RNF13: variants seen among roughly 807,000 people sequenced by gnomAD.
The protein encoded by RNF13 is ring finger protein 13.
Under a neutral mutation model 37.7 loss-of-function variants are expected in RNF13, and 19 were observed. The observed-to-expected ratio is 0.50, with a 90% CI of 0.35 to 0.74. The LOEUF (loss-of-function observed/expected upper bound fraction) is 0.74. Among genes scored for constraint, RNF13 ranks in the 30% least tolerant of loss-of-function variants. RNF13 has a pLI of 0.01. For missense variants in RNF13, 375 were observed against 453.0 expected, an observed-to-expected ratio of 0.83 and a Z score of 1.56; for synonymous variants, 144 against 157.8, an observed-to-expected ratio of 0.91 and a Z score of 0.65.
intron 3 of RNF13, among the ~76,000 whole-genome samples, chr3:149,866,771 C>A (rs777231101): frequency 9.9e-5 from 15 of 151,900 alleles, no homozygotes; most frequent in Non-Finnish European, 1.8e-4. Flanking sequence ...TTTTAAATTT[C>A]TTTTCTTAAT....
intron 4 of RNF13, among the ~76,000 whole-genome samples, chr3:149,876,968 T>C (rs890187889): frequency 2.0e-5 from 3 of 151,774 alleles, no homozygotes; most frequent in African/African-American, 7.3e-5. Context: ...TTAGTAGAGA[T>C]GGTATTTCAT....
intron 1 of RNF13, among the ~76,000 whole-genome samples, chr3:149,832,106 T>G (rs1721115630): frequency 6.6e-6 from 1 of 152,188 alleles, no homozygotes. Flanking sequence ...ATAAGGTACA[T>G]TTCTTGAAAA....
At chr3:149,821,369 T>G (rs1294516273) in intron 1 of RNF13, among the ~76,000 whole-genome samples, 1 of 152,194 alleles carries the variant, frequency 6.6e-6, no homozygotes. Context: ...CTTATGGGTA[T>G]GAAGTGGTAT....
chr3:149,942,060 T>C (rs1294393216), intron 8 of RNF13, among the ~76,000 whole-genome samples: 3 of 152,086 alleles, frequency 2.0e-5, no homozygotes, highest in Non-Finnish European at 4.4e-5. Context: ...TTCTGTTCCA[T>C]TGGTGTATAT....
At chr3:149,829,352 G>A (rs562071080) in intron 1 of RNF13, among the ~76,000 whole-genome samples, 51 of 152,100 alleles carry the variant, frequency 3.4e-4, no homozygotes, top group African/African-American at 1.1e-3. Flanking sequence ...CTCCTGCCTC[G>A]GCCTCCCAAA....
At chr3:149,814,600 A>G (rs1055033610) in intron 1 of RNF13, among the ~76,000 whole-genome samples, 7 of 152,222 alleles carry the variant, frequency 4.6e-5, no homozygotes, top group Non-Finnish European at 1.0e-4. Context: ...AGGACATTGT[A>G]TGGAATAAAA....
intron 3 of RNF13, among the ~76,000 whole-genome samples, chr3:149,856,344 A>G (rs1723647682): frequency 6.6e-6 from 1 of 152,206 alleles, no homozygotes; most frequent in Admixed American, 6.6e-5. Flanking sequence ...GAGGTAGCTC[A>G]CTATAGTATT....
At chr3:149,867,402 ACTACAGG>A (rs1158479371) in intron 3 of RNF13, among the ~76,000 whole-genome samples, 4 of 151,378 alleles carry the variant, frequency 2.6e-5, no homozygotes, top group African/African-American at 9.7e-5. Flanking sequence ...AGTAGCTGGG[ACTACAGG>A]CGCCCACCAC....
chr3:149,857,297 C>T (rs1723752349), intron 3 of RNF13, among the ~76,000 whole-genome samples: 2 of 152,086 alleles, frequency 1.3e-5, no homozygotes, highest in African/African-American at 4.8e-5. Context: ...TTAAAAAATA[C>T]TATTATTCAA....
intron 1 of RNF13, among the ~76,000 whole-genome samples, chr3:149,824,241 G>A (rs1720263685): frequency 6.6e-6 from 1 of 152,220 alleles, no homozygotes; most frequent in African/African-American, 2.4e-5. Flanking sequence ...TACCGTGGTA[G>A]GCAGAATAAT....
intron 7 of RNF13, among the ~76,000 whole-genome samples, chr3:149,920,790 C>CTTTTTTTTTTT (rs34551883): frequency 8.1e-6 from 1 of 124,028 alleles, no homozygotes; most frequent in Non-Finnish European, 1.7e-5. Flanking sequence ...CCTTCCCATT[C>CTTTTTTTTTTT]TTTTTTTTTT....
At chr3:149,818,700 A>T (rs1719716441) in intron 1 of RNF13, among the ~76,000 whole-genome samples, 1 of 151,984 alleles carries the variant, frequency 6.6e-6, no homozygotes, top group African/African-American at 2.4e-5. Context: ...ATCACTTGAG[A>T]CCAGAGTTCG....
intron 4 of RNF13, among the ~76,000 whole-genome samples, chr3:149,876,081 GAC>G (rs1350961478): frequency 6.6e-6 from 1 of 152,250 alleles, no homozygotes; most frequent in South Asian, 2.1e-4. Flanking sequence ...ACTGAATAAA[GAC>G]AAGTTATAAA....
At chr3:149,925,474 T>C (rs999193377) in intron 8 of RNF13, among the ~76,000 whole-genome samples, 1 of 152,226 alleles carries the variant, frequency 6.6e-6, no homozygotes, top group African/African-American at 2.4e-5. Flanking sequence ...AACAGTTGGC[T>C]TAATTTTGCC....
chr3:149,943,326 C>G (rs781363301), intron 8 of RNF13, among the ~76,000 whole-genome samples: 2 of 151,898 alleles, frequency 1.3e-5, no homozygotes, highest in Non-Finnish European at 2.9e-5. Flanking sequence ...CTCACACAGG[C>G]AAAGCCTTAC....
intron 3 of RNF13, among the ~76,000 whole-genome samples, chr3:149,861,619 G>A (rs1404176298): frequency 6.6e-6 from 1 of 152,142 alleles, no homozygotes; most frequent in African/African-American, 2.4e-5. Context: ...ATACCAGAGG[G>A]TGAGAAAAAG....
At chr3:149,886,901 C>T (rs1345616577) in intron 4 of RNF13, among the ~76,000 whole-genome samples, 2 of 152,010 alleles carry the variant, frequency 1.3e-5, no homozygotes, top group Admixed American at 1.3e-4. Context: ...GTAAAATTTC[C>T]TTTGTGATTT....
chr3:149,817,841 G>A (rs1719620262), intron 1 of RNF13, among the ~76,000 whole-genome samples: 1 of 151,988 alleles, frequency 6.6e-6, no homozygotes, highest in Non-Finnish European at 1.5e-5. Flanking sequence ...CACAAGTGGG[G>A]GGCAAACACA....
intron 7 of RNF13, among the ~76,000 whole-genome samples, chr3:149,914,859 AC>A (rs1717346792): frequency 1.3e-5 from 2 of 151,752 alleles, no homozygotes; most frequent in Admixed American, 1.3e-4. Context: ...AATCATTTGC[AC>A]CCAGGAGGCA....
Sources: allele counts gnomAD v4.1 joint callset (sites outside exome capture counted in the v4.1 genomes callset), GRCh38; gene constraint gnomAD v4.1.1; transcripts MANE v1.5; gene names NCBI Gene and HGNC (gene_info 2026-07-23, HGNC 2026-07-21).